The following PCDHGA9 variants were observed in gnomAD, a reference collection of about 807,000 sequenced individuals.
The protein encoded by PCDHGA9 is protocadherin gamma-A9.
A neutral mutation model predicts 62.5 loss-of-function variants in PCDHGA9; 37 were observed. That is an observed-to-expected ratio of 0.59 (90% CI 0.46 to 0.78). The LOEUF (loss-of-function observed/expected upper bound fraction) is 0.78, where lower values mean the gene tolerates loss of function less well. PCDHGA9 is among the 30% of genes least tolerant of loss of function. The pLI is 0.00. For missense variants in PCDHGA9, 1,138 were observed against 1,166.2 expected (o/e 0.98, Z 0.35); for synonymous variants, 459 against 484.6 (o/e 0.95, Z 0.69).
In PCDHGA9 at chr5:141,431,931, C is replaced by T. The variant is rs2097430107; in HGVS notation, c.2424+26555C>T. ...ATCTGTTTCATCCAAGGAAATCTGCCCTTTAAATTAGAAAAATCTTACGGA... is the reference window on the plus strand; with the variant it reads ...ATCTGTTTCATCCAAGGAAATCTGCTCTTTAAATTAGAAAAATCTTACGGA... On this transcript the variant is annotated intron_variant, in intron 1 of 3. Transcript: ENST00000573521. This position sits in a 1 kb window ranked among gnomAD's most constrained non-coding sequence, Gnocchi z 4.8. The T allele has an allele frequency of 6.2e-7, 1 of 1,613,924 alleles. No homozygotes were observed. Among genetic ancestry groups the T allele is most frequent in the Admixed American group, 1.7e-5 (1 of 59,986 alleles).
chr5:141,449,936 T>C (rs1016569958), intron 1 of PCDHGA9, among the ~76,000 whole-genome samples: 4 of 151,978 alleles, frequency 2.6e-5, no homozygotes, highest in African/African-American at 9.6e-5. Context: ...CCTTATAGTA[T>C]ATTTTACTAT....
In PCDHGA9 at chr5:141,422,632, G is replaced by T. The variant is rs199543811; in HGVS notation, c.2424+17256G>T. ...CTACATTCCCGAAAACAACCCCAGGGGTGCCTCCATCTTCTCAGTGACCGC... is the reference window on the plus strand; with the variant it reads ...CTACATTCCCGAAAACAACCCCAGGTGTGCCTCCATCTTCTCAGTGACCGC... On this transcript the variant is annotated intron_variant, in intron 1 of 3. Coordinates refer to ENST00000573521, the MANE Select transcript of PCDHGA9 (RefSeq NM_018921.3). 4,245 of 1,613,132 alleles carry T rather than the reference G, an allele frequency of 2.6e-3. 5 individuals carry two copies. The highest frequency in any genetic ancestry group is 3.2e-3 in the Admixed American group (193 of 59,948).
rs2099411033 is a variant in PCDHGA9, at chr5:141,477,423, C to T, written c.2425-17384C>T. ...ACCGCCCGAGACGCCGGAACCCCTT[C>T]CCTCTCAGCCCTTACAATAGTGCGT... On this transcript the variant is annotated intron_variant, in intron 1 of 3. Coordinates refer to ENST00000573521, the MANE Select transcript of PCDHGA9 (RefSeq NM_018921.3). This position sits in a 1 kb window ranked among gnomAD's most constrained non-coding sequence, Gnocchi z 4.9. 1.9e-6 allele frequency: 3 copies of T among 1,614,196 alleles called. No individual in the cohort carries two copies. The highest frequency in any genetic ancestry group is 2.2e-5 in the East Asian group (1 of 44,882).
chr5:141,494,775 A>G (rs1202233200), intron 1 of PCDHGA9, 32 bp from the exon 2 acceptor site: 1 of 1,613,580 alleles, frequency 6.2e-7, no homozygotes. Flanking sequence ...TCTCACGGGT[A>G]CTCAGCCCCT....
At chr5:141,478,215 T>C (rs764444582) in intron 1 of PCDHGA9, 11 of 1,614,118 alleles carry the variant, frequency 6.8e-6, no homozygotes. Context: ...TCTCTAATCC[T>C]GGTTTCTGTG....
intron 3 of PCDHGA9, 62 bp downstream of exon 3, chr5:141,505,543 C>T: frequency 6.2e-7 from 1 of 1,609,636 alleles, no homozygotes; most frequent in Non-Finnish European, 8.5e-7. Flanking sequence ...GTGCATCTCA[C>T]AGCCACCATG....
At chr5:141,474,652 T>C (rs962582027) in intron 1 of PCDHGA9, among the ~76,000 whole-genome samples, 1 of 152,206 alleles carries the variant, frequency 6.6e-6, no homozygotes, top group African/African-American at 2.4e-5. Context: ...TCCTTACTTC[T>C]TTTCTACCTA....
At chr5:141,417,743 A>T in intron 1 of PCDHGA9, 2 of 1,419,054 alleles carry the variant, frequency 1.4e-6, no homozygotes, top group Non-Finnish European at 1.9e-6. Flanking sequence ...AGCACACCAG[A>T]TTGCCAGCTC....
chr5:141,432,627 C>T lies in PCDHGA9; in HGVS notation c.2424+27251C>T. ...GGACTCTTCTCGGTGGGTCTGCACA[C>T]GGGCGAGGTGCGCACGGCGCGAGCC... On this transcript the variant is annotated intron_variant, in intron 1 of 3. Coordinates refer to ENST00000573521, the MANE Select transcript of PCDHGA9 (RefSeq NM_018921.3). This position sits in a 1 kb window ranked among gnomAD's most constrained non-coding sequence, Gnocchi z 6.0. 1.2e-6 allele frequency: 2 copies of T among 1,613,770 alleles called. No individual in the cohort carries two copies. Among genetic ancestry groups the T allele is most frequent in the Non-Finnish European group, 1.7e-6 (2 of 1,179,944 alleles).
At position 141,421,932 on chromosome 5, in the gene PCDHGA9, T is replaced by C. The variant is rs747598404; in HGVS notation, c.2424+16556T>C. On this transcript the variant is annotated intron_variant, in intron 1 of 3. Transcript: ENST00000573521. The stretch of plus-strand genomic sequence containing the variant: ...TTCCCATTCGTGTGGTGGTCCTCGA[T>C]GTAAATGATCACATCCCAATGTTTA... 3 of 1,613,588 alleles carry C rather than the reference T, an allele frequency of 1.9e-6. No individual in the cohort carries two copies. The East Asian group carries it at 6.7e-5, about 36-fold the overall frequency.
Position 141,421,259 on chromosome 5 carries a change from G to C in PCDHGA9, c.2424+15883G>C. The C allele has an allele frequency of 6.2e-7, 1 of 1,609,254 alleles. No individual in the cohort carries two copies. The highest frequency in any genetic ancestry group is 8.5e-7 in the Non-Finnish European group (1 of 1,178,538). The stretch of plus-strand genomic sequence containing the variant: ...AATCGGCTACAGCGCGGGGACCGCA[G>C]TCGGCTGCTGCTGCTGCTGTGCATT... On this transcript the variant is annotated intron_variant, in intron 1 of 3. Transcript: ENST00000573521.
At chr5:141,415,701 T>C in intron 1 of PCDHGA9, 2 of 1,506,520 alleles carry the variant, frequency 1.3e-6, no homozygotes, top group Non-Finnish European at 1.8e-6. Context: ...AAAGTGTAAA[T>C]GCTAAAACAC....
intron 1 of PCDHGA9, among the ~76,000 whole-genome samples, chr5:141,433,761 T>G (rs2154555909): frequency 6.7e-6 from 1 of 148,664 alleles, no homozygotes; most frequent in Admixed American, 6.8e-5. Context: ...TGCTTTAACC[T>G]GGGAGGTGGA....
At chr5:141,450,729 C>T (rs370122389) in intron 1 of PCDHGA9, among the ~76,000 whole-genome samples, 3 of 152,048 alleles carry the variant, frequency 2.0e-5, no homozygotes, top group Non-Finnish European at 2.9e-5. Context: ...TCAGGTGATC[C>T]GCCCGCCTTG....
chr5:141,426,589 T>G (rs2096945227), intron 1 of PCDHGA9: 1 of 369,180 alleles, frequency 2.7e-6, no homozygotes, highest in South Asian at 2.0e-5. Context: ...ATCCTCTGTG[T>G]CATACCCTTA....
chr5:141,464,680 A>T (rs747974832), intron 1 of PCDHGA9, among the ~76,000 whole-genome samples: 1 of 152,144 alleles, frequency 6.6e-6, no homozygotes, highest in African/African-American at 2.4e-5. Context: ...TTTTAATTAA[A>T]ATTTCTCTTA....
intron 2 of PCDHGA9, among the ~76,000 whole-genome samples, chr5:141,500,046 T>C (rs959260262): frequency 1.3e-5 from 2 of 152,098 alleles, no homozygotes; most frequent in African/African-American, 4.8e-5. Context: ...TTAAGTATCT[T>C]AATGCTCTTT....
intron 1 of PCDHGA9, chr5:141,413,167 C>G: frequency 6.3e-7 from 1 of 1,590,828 alleles, no homozygotes; most frequent in Non-Finnish European, 8.6e-7. Context: ...ATTCTGTAAC[C>G]AGACTACAAT....
chr5:141,476,062 A>G lies in PCDHGA9; in HGVS notation c.2425-18745A>G, dbSNP rs2099384587. On this transcript the variant is annotated intron_variant, in intron 1 of 3. Coordinates refer to ENST00000573521, the MANE Select transcript of PCDHGA9 (RefSeq NM_018921.3). This position sits in a 1 kb window ranked among gnomAD's most constrained non-coding sequence, Gnocchi z 7.6. ...AGCGCTAACCCGCTGAAAGTTTCTC[A>G]GCGAAATCTCAGGGACGATCTGGAC... The G allele has an allele frequency of 1.8e-5, 27 of 1,509,766 alleles. No individual in the cohort carries two copies. Among genetic ancestry groups the G allele is most frequent in the Non-Finnish European group, 2.3e-5 (26 of 1,136,920 alleles). The allele number at this position is 1,509,766 out of a possible 1,614,324, so 93.5% of individuals were successfully genotyped here.
Sources: allele counts gnomAD v4.1 joint callset (sites outside exome capture counted in the v4.1 genomes callset), GRCh38; gene constraint gnomAD v4.1.1; non-coding constraint Gnocchi (gnomAD v3.1); transcripts MANE v1.5; gene names NCBI Gene and HGNC (gene_info 2026-07-23, HGNC 2026-07-21).